The following ERBB4 variants were observed in gnomAD, a reference collection of about 807,000 sequenced individuals.
ERBB4 encodes the protein erb-b2 receptor tyrosine kinase 4, also known as receptor tyrosine-protein kinase erbB-4.
In ERBB4, 42 loss-of-function variants were observed where a neutral mutation model predicts 158.0. That is an observed-to-expected ratio of 0.27 (90% CI 0.21 to 0.34). The LOEUF is 0.34. Among genes scored for constraint, ERBB4 ranks in the 10% least tolerant of loss-of-function variants. The pLI is 1.00. For synonymous variants in ERBB4, 583 were observed against 558.7 expected (o/e 1.04, Z -0.61); for missense variants, 1,333 against 1,624.1 (o/e 0.82, Z 3.08).
At chr2:212,287,837 A>T (rs2106169835) in intron 1 of ERBB4, among the ~76,000 whole-genome samples, 1 of 152,252 alleles carries the variant, frequency 6.6e-6, no homozygotes, top group African/African-American at 2.4e-5. Flanking sequence ...TTCACTTATA[A>T]GTGGGAGTTA....
intron 3 of ERBB4, among the ~76,000 whole-genome samples, chr2:211,940,446 C>T (rs1351715627): frequency 2.6e-5 from 4 of 152,016 alleles, no homozygotes; most frequent in African/African-American, 9.7e-5. Flanking sequence ...ATATAAGCTT[C>T]CTCTCTTAGG....
rs2106047164 is a variant in ERBB4, at chr2:211,854,974, C to T, written c.422-66815G>A. Among the ~76,000 whole-genome samples the T allele has an allele frequency of 3.3e-5, 5 of 152,264 alleles. No individual in the cohort carries two copies. The South Asian group carries it at 1.0e-3, about 32-fold the overall frequency. ...GTGGATGTACCAATTTAAACTCCCA[C>T]CTATAGTGTATATGAGTTCCCATTC... On this transcript the variant is annotated intron_variant, in intron 3 of 27. Transcript: ENST00000342788.
chr2:212,053,646 G>C (rs1181537275), intron 2 of ERBB4, among the ~76,000 whole-genome samples: 1 of 152,088 alleles, frequency 6.6e-6, no homozygotes, highest in East Asian at 1.9e-4. Context: ...CCTTAAAGTG[G>C]TTCACAGGGC....
At chr2:211,775,862 C>A (rs746988633) in intron 4 of ERBB4, among the ~76,000 whole-genome samples, 1 of 152,120 alleles carries the variant, frequency 6.6e-6, no homozygotes, top group Non-Finnish European at 1.5e-5. Context: ...ACGGGTTACA[C>A]CTTGACCTAA....
At chr2:211,762,857 C>T (rs2075449548) in intron 4 of ERBB4, among the ~76,000 whole-genome samples, 1 of 152,224 alleles carries the variant, frequency 6.6e-6, no homozygotes, top group African/African-American at 2.4e-5. Flanking sequence ...TCTCTCTCTT[C>T]CTGCTGTCCG....
chr2:211,431,468 T>C (rs2063747183), intron 20 of ERBB4, among the ~76,000 whole-genome samples: 1 of 152,158 alleles, frequency 6.6e-6, no homozygotes, highest in Non-Finnish European at 1.5e-5. Context: ...TAATCATTCC[T>C]TCTCAATAAC....
rs141420620 is a variant in ERBB4, at chr2:211,386,829, C to G, written c.3481+24G>C. On this transcript the variant is annotated intron_variant, in intron 27 of 27. Coordinates refer to ENST00000342788, the MANE Select transcript of ERBB4 (RefSeq NM_005235.3). ...ATGGAAGTGAACTTCGAATGGCGAT[C>G]GTTTCTGAATAATCAGTTCATACCT... 12 of 1,611,962 alleles carry G rather than the reference C, an allele frequency of 7.4e-6. 1 individual carries two copies. The highest frequency in any genetic ancestry group is 5.3e-5 in the African/African-American group (4 of 74,972).
intron 20 of ERBB4, 95 bp from the exon 21 acceptor site, chr2:211,431,195 C>A: frequency 8.7e-7 from 1 of 1,143,580 alleles, no homozygotes; most frequent in Non-Finnish European, 1.3e-6. Context: ...TTGGAAGTGC[C>A]TAATTTTTTA....
chr2:211,421,595 A>G lies in ERBB4; in HGVS notation c.2964+412T>C, dbSNP rs577353102. On this transcript the variant is annotated intron_variant, in intron 24 of 27. Coordinates refer to ENST00000342788, the MANE Select transcript of ERBB4 (RefSeq NM_005235.3). ...AATATTTTTGGGGAAATTAAATAAT[A>G]TACTGAAACTTTTGATTCACTGTCT... is the stretch of plus-strand genomic sequence containing the variant. Among the ~76,000 whole-genome samples, 6 of 152,060 alleles carry G rather than the reference A, an allele frequency of 3.9e-5. No individual in the cohort carries two copies. The South Asian group carries it at 8.3e-4, about 21-fold the overall frequency.
At chr2:211,435,582 C>T (rs904017849) in intron 20 of ERBB4, among the ~76,000 whole-genome samples, 1 of 152,136 alleles carries the variant, frequency 6.6e-6, no homozygotes, top group African/African-American at 2.4e-5. Flanking sequence ...AGCATAACTG[C>T]CAGAGCTCTG....
At chr2:211,960,343 T>A (rs1380058193) in intron 2 of ERBB4, among the ~76,000 whole-genome samples, 1 of 152,100 alleles carries the variant, frequency 6.6e-6, no homozygotes, top group East Asian at 1.9e-4. Context: ...TAATTACAAC[T>A]GATTATAATC....
chr2:211,745,503 T>G (rs2074938170), intron 5 of ERBB4, among the ~76,000 whole-genome samples: 1 of 152,102 alleles, frequency 6.6e-6, no homozygotes, highest in African/African-American at 2.4e-5. Context: ...CCACCAGGTG[T>G]CAGTAGACTT....
intron 3 of ERBB4, among the ~76,000 whole-genome samples, chr2:211,863,612 C>G (rs550242802): frequency 1.3e-5 from 2 of 152,268 alleles, no homozygotes; most frequent in African/African-American, 4.8e-5. Flanking sequence ...GGATCTGCAG[C>G]TTCACTCCTG....
intron 12 of ERBB4, among the ~76,000 whole-genome samples, chr2:211,683,236 C>T (rs1007822287): frequency 2.6e-5 from 4 of 152,054 alleles, no homozygotes; most frequent in Non-Finnish European, 4.4e-5. Flanking sequence ...GTAACACAAC[C>T]GGACATTGGC....
chr2:212,244,192 A>G (rs1026863441), intron 1 of ERBB4, among the ~76,000 whole-genome samples: 3 of 152,176 alleles, frequency 2.0e-5, no homozygotes, highest in African/African-American at 7.2e-5. Context: ...TTCATGATAC[A>G]TAGACATTTA....
At chr2:211,424,093 G>A in intron 23 of ERBB4, 62 bp downstream of exon 23, 1 of 1,469,304 alleles carries the variant, frequency 6.8e-7, no homozygotes, top group Non-Finnish European at 9.5e-7. Flanking sequence ...TACAGATTGA[G>A]TAATCTCTGC....
At chr2:211,940,005 A>T (rs1469649491) in intron 3 of ERBB4, among the ~76,000 whole-genome samples, 1 of 151,820 alleles carries the variant, frequency 6.6e-6, no homozygotes. Flanking sequence ...AGATAGATAG[A>T]TAGAGATAGA....
intron 9 of ERBB4, among the ~76,000 whole-genome samples, chr2:211,706,906 A>T (rs530215703): frequency 2.0e-5 from 3 of 152,324 alleles, no homozygotes; most frequent in African/African-American, 7.2e-5. Flanking sequence ...TATGCTTTTG[A>T]TGAACATGAA....
rs548174166 is a variant in ERBB4, at chr2:211,529,813, C to A, written c.2487+32090G>T. ...AATTCAAAATCCTTTCACGAATACCCTGAAAAACTAAGTGTAGAAGGAACA... is the reference window on the plus strand; with the variant it reads ...AATTCAAAATCCTTTCACGAATACCATGAAAAACTAAGTGTAGAAGGAACA... On this transcript the variant is annotated intron_variant, in intron 20 of 27. Coordinates refer to ENST00000342788, the MANE Select transcript of ERBB4 (RefSeq NM_005235.3). Among the ~76,000 whole-genome samples the A allele has an allele frequency of 1.6e-3, 241 of 152,064 alleles. 4 individuals are homozygous for A. Among genetic ancestry groups the A allele is most frequent in the Non-Finnish European group, 1.9e-3 (127 of 67,918 alleles).
Sources: allele counts gnomAD v4.1 joint callset (sites outside exome capture counted in the v4.1 genomes callset), GRCh38; gene constraint gnomAD v4.1.1; transcripts MANE v1.5; gene names NCBI Gene and HGNC (gene_info 2026-07-23, HGNC 2026-07-21).